Variants in CFAP91 observed in about 807,000 individuals in gnomAD.
The protein encoded by CFAP91 is cilia- and flagella-associated protein 91.
A neutral mutation model predicts 95.9 loss-of-function variants in CFAP91; 85 were observed. That is an observed-to-expected ratio of 0.89 (90% CI 0.74 to 1.06). The LOEUF (loss-of-function observed/expected upper bound fraction) is 1.06. CFAP91 is among the 50% of genes least tolerant of loss of function. The probability of loss-of-function intolerance (pLI) is 0.00; values close to 1 mark genes in which losing one functional copy is unlikely to be tolerated. For missense variants in CFAP91, 962 were observed against 943.4 expected (o/e 1.02, Z -0.26); for synonymous variants, 335 against 327.5 (o/e 1.02, Z -0.25).
chr3:119,713,184 A>C (rs1310577684), intron 5 of CFAP91: 1 of 149,522 alleles, frequency 6.7e-6, no homozygotes, highest in African/African-American at 2.5e-5. Flanking sequence ...CAGTGGCGTG[A>C]TCTCGGCTCG....
chr3:119,734,182 T>C (rs548969253), intron 10 of CFAP91, among the ~76,000 whole-genome samples: 8 of 152,312 alleles, frequency 5.3e-5, no homozygotes, highest in Non-Finnish European at 8.8e-5. Flanking sequence ...GTGATGCTGC[T>C]GCTGCTGGTC....
intron 5 of CFAP91, 82 bp from the exon 6 acceptor site, chr3:119,715,480 G>A (rs999606253): frequency 9.3e-6 from 11 of 1,184,448 alleles, no homozygotes; most frequent in South Asian, 2.5e-5. Flanking sequence ...ACAAAGCTTC[G>A]AAGATTTGTT....
At chr3:119,739,406 GAGTGA>G in intron 12 of CFAP91, 80 bp downstream of exon 12, 1 of 1,302,062 alleles carries the variant, frequency 7.7e-7, no homozygotes, top group South Asian at 1.2e-5. Flanking sequence ...TGGTTCCTTG[GAGTGA>G]ATCCCTTTTG....
intron 17 of CFAP91, among the ~76,000 whole-genome samples, chr3:119,751,729 G>A (rs184969205): frequency 1.8e-3 from 272 of 152,274 alleles, no homozygotes; most frequent in Non-Finnish European, 3.1e-3. Context: ...CTTAGTTTAC[G>A]GAGTGCAGAT....
chr3:119,730,815 A>G (rs2053883640), intron 8 of CFAP91, among the ~76,000 whole-genome samples: 2 of 152,126 alleles, frequency 1.3e-5, no homozygotes, highest in Admixed American at 1.3e-4. Flanking sequence ...TAACATATAT[A>G]TGTTTATGTA....
chr3:119,725,889 C>T (rs2053773014), intron 6 of CFAP91, among the ~76,000 whole-genome samples: 2 of 152,188 alleles, frequency 1.3e-5, no homozygotes, highest in South Asian at 4.1e-4. Context: ...ACAGAGCATT[C>T]CAAGGTGTGA....
At position 119,733,522 on chromosome 3, in the gene CFAP91, G is replaced by A; in HGVS notation, c.1344+16G>A. ...GGTTCATAAGGTATAATCATTATCT[G>A]GAGGACAAAATGCTTCTAGTATGAT... is the stretch of plus-strand genomic sequence containing the variant. On this transcript the variant is annotated intron_variant, in intron 10 of 17. Transcript: ENST00000273390. 6.2e-7 allele frequency: 1 copy of A among 1,602,464 alleles called. No homozygotes were observed. Among genetic ancestry groups the A allele is most frequent in the Non-Finnish European group, 8.5e-7 (1 of 1,176,168 alleles).
At chr3:119,759,445 C>T (rs1426542962) in intron 17 of CFAP91, among the ~76,000 whole-genome samples, 1 of 151,918 alleles carries the variant, frequency 6.6e-6, no homozygotes, top group Non-Finnish European at 1.5e-5. Context: ...GATATTTACA[C>T]AGATGAGTAC....
At chr3:119,745,772 G>T (rs2054209372) in intron 14 of CFAP91, among the ~76,000 whole-genome samples, 1 of 152,148 alleles carries the variant, frequency 6.6e-6, no homozygotes, top group South Asian at 2.1e-4. Context: ...TATTTTGGTT[G>T]GTTAGTTGTT....
chr3:119,740,480 T>C, intron 12 of CFAP91, 69 bp from the exon 13 acceptor site: 1 of 1,542,722 alleles, frequency 6.5e-7, no homozygotes, highest in Non-Finnish European at 8.8e-7. Context: ...AGTCACTGCG[T>C]GTGACTCCTA....
Position 119,766,481 on chromosome 3 carries a change from A to G in CFAP91, c.*1431A>G, listed in dbSNP as rs2054630033. The G allele has an allele frequency of 6.6e-6, 1 of 152,214 alleles. No homozygotes were observed. The highest frequency in any genetic ancestry group is 1.5e-5 in the Non-Finnish European group (1 of 68,036). 9.4% of individuals were successfully genotyped at this position (152,214 alleles called of 1,614,324 possible). On this transcript the variant is annotated 3_prime_UTR_variant, in exon 18 of 18. Coordinates refer to ENST00000273390, the MANE Select transcript of CFAP91 (RefSeq NM_033364.4). The stretch of plus-strand genomic sequence containing the variant: ...TTGTTTTGTTCTTTGAAAAAGGCTA[A>G]CCTGAGCTAGGTAAAGGTTATATCA...
chr3:119,757,286 A>G (rs367939157), intron 17 of CFAP91, among the ~76,000 whole-genome samples: 1 of 152,192 alleles, frequency 6.6e-6, no homozygotes, highest in African/African-American at 2.4e-5. Flanking sequence ...AATCCACAAT[A>G]ATTCTGGGAA....
Position 119,747,274 on chromosome 3 carries a change from A to T in CFAP91, c.2051+11A>T. 2 of 1,610,100 alleles carry T rather than the reference A, an allele frequency of 1.2e-6. No homozygotes were observed. The highest frequency in any genetic ancestry group is 1.7e-6 in the Non-Finnish European group (2 of 1,178,646). ...TGAAATGGAAAGCCGGTGTGTATCA[A>T]GAGAACAGATTGTAGAATGGACAGC... On this transcript the variant is annotated intron_variant, in intron 15 of 17. Coordinates refer to ENST00000273390, the MANE Select transcript of CFAP91 (RefSeq NM_033364.4).
At chr3:119,735,842 AAC>A (rs2053991276) in intron 10 of CFAP91, among the ~76,000 whole-genome samples, 1 of 152,178 alleles carries the variant, frequency 6.6e-6, no homozygotes, top group African/African-American at 2.4e-5. Flanking sequence ...TGCTTTAGTT[AAC>A]AGTTATCTTT....
At position 119,726,224 on chromosome 3, in the gene CFAP91, G is replaced by A. The variant is rs562410253; in HGVS notation, c.736G>A (p.Glu246Lys). Reference sequence around the variant, plus strand: ...GGTGGAGATGATAGAAAGAGCCCGCGAGAAGCGTGCTTGGGAAGCCTCTCT... The same window carrying A: ...GGTGGAGATGATAGAAAGAGCCCGCAAGAAGCGTGCTTGGGAAGCCTCTCT... Reference protein sequence around the residue: ...AEVEMIERAREKRAWEASLPA... With the variant: ...AEVEMIERARKKRAWEASLPA... The change falls in exon 7 of 18, where the codon GAG becomes AAG. Residue 246 changes from glutamate to lysine, a missense_variant. By Grantham distance (56) the Glu-to-Lys change is moderately conservative. Coordinates refer to ENST00000273390, the MANE Select transcript of CFAP91 (RefSeq NM_033364.4). 1.2e-5 allele frequency: 19 copies of A among 1,613,670 alleles called. No homozygotes were observed. Among genetic ancestry groups the A allele is most frequent in the Middle Eastern group, 3.3e-4 (2 of 6,030 alleles).
intron 1 of CFAP91, 48 bp from the exon 2 acceptor site, chr3:119,706,761 G>A (rs765238510): frequency 1.5e-6 from 2 of 1,353,666 alleles, no homozygotes; most frequent in South Asian, 1.2e-5. Flanking sequence ...CTCAGCCTAG[G>A]GGTAGATATG....
intron 6 of CFAP91, among the ~76,000 whole-genome samples, chr3:119,725,401 G>A (rs2053763322): frequency 6.6e-6 from 1 of 152,182 alleles, no homozygotes; most frequent in Non-Finnish European, 1.5e-5. Context: ...TCACTATGGG[G>A]ACAAAACCCA....
intron 6 of CFAP91, 46 bp from the exon 7 acceptor site, chr3:119,726,125 A>G (rs1409944420): frequency 1.3e-6 from 2 of 1,530,436 alleles, no homozygotes; most frequent in East Asian, 4.6e-5. Context: ...TGGGGGGTGC[A>G]TGGGTCAGCT....
chr3:119,745,688 G>T (rs1366941459), intron 14 of CFAP91, among the ~76,000 whole-genome samples: 1 of 152,262 alleles, frequency 6.6e-6, no homozygotes, highest in Non-Finnish European at 1.5e-5. Flanking sequence ...ATGAGAGCAT[G>T]AATATTGTAT....
Sources: allele counts gnomAD v4.1 joint callset (sites outside exome capture counted in the v4.1 genomes callset), GRCh38; gene constraint gnomAD v4.1.1; transcripts MANE v1.5; gene names NCBI Gene and HGNC (gene_info 2026-07-23, HGNC 2026-07-21).